The following BAZ2B variants were observed in gnomAD, a reference collection of about 807,000 sequenced individuals.
BAZ2B encodes the protein bromodomain adjacent to zinc finger domain protein 2B.
In BAZ2B, 91 loss-of-function variants were observed where a neutral mutation model predicts 246.0. The ratio of observed to expected loss-of-function variants is 0.37; its 90% CI spans 0.31 to 0.44. The LOEUF (loss-of-function observed/expected upper bound fraction) is 0.44, where lower values mean the gene tolerates loss of function less well. BAZ2B is among the 20% of genes least tolerant of loss of function. The probability of loss-of-function intolerance (pLI) is 1.00; values close to 1 mark genes in which losing one functional copy is unlikely to be tolerated. For missense variants in BAZ2B, 2,332 were observed against 2,533.7 expected, an observed-to-expected ratio of 0.92 and a Z score of 1.71; for synonymous variants, 855 against 860.0, an observed-to-expected ratio of 0.99 and a Z score of 0.10.
At chr2:159,623,494 G>A in the BAZ2B span, among the ~76,000 whole-genome samples, 3 of 152,278 alleles carry the variant, frequency 2.0e-5, no homozygotes, top group African/African-American at 7.2e-5. Context: ...AAATGCACAT[G>A]AAGAATTGCG....
chr2:159,547,580 G>A (rs1203424262), intron 2 of BAZ2B, among the ~76,000 whole-genome samples: 1 of 152,086 alleles, frequency 6.6e-6, no homozygotes, highest in Non-Finnish European at 1.5e-5. Flanking sequence ...GTGTGCATTG[G>A]TGTTCTACAA....
chr2:159,339,378 C>T (rs2052432), intron 31 of BAZ2B, among the ~76,000 whole-genome samples: 138,134 of 152,200 alleles, frequency 0.91, 64,231 homozygotes, highest in East Asian at 1. Flanking sequence ...TCCATATCCA[C>T]GATGCTTCTC....
upstream of BAZ2B, chr2:159,617,163 A>G (rs1177977923): frequency 6.6e-6 from 1 of 152,212 alleles, no homozygotes; most frequent in Non-Finnish European, 1.5e-5. Context: ...GAGAGATTAG[A>G]AAAAAAGCAT....
chr2:159,390,081 T>C (rs1218357601), intron 20 of BAZ2B, among the ~76,000 whole-genome samples: 1 of 152,150 alleles, frequency 6.6e-6, no homozygotes, highest in African/African-American at 2.4e-5. Context: ...TTTTCTATAA[T>C]ACCATTATCG....
At chr2:159,460,292 CT>C (rs2076246745) in intron 3 of BAZ2B, 3 of 151,984 alleles carry the variant, frequency 2.0e-5, no homozygotes, top group Admixed American at 1.3e-4. Flanking sequence ...GAACTAATGC[CT>C]TGACTCTAAA....
At chr2:159,376,993 G>A (rs900370475) in intron 25 of BAZ2B, among the ~76,000 whole-genome samples, 1 of 152,130 alleles carries the variant, frequency 6.6e-6, no homozygotes, top group African/African-American at 2.4e-5. Context: ...ATTGTCCACA[G>A]AACCTCTCAC....
the BAZ2B span, among the ~76,000 whole-genome samples, chr2:159,681,938 T>TA: frequency 2.6e-5 from 3 of 116,750 alleles, no homozygotes; most frequent in Non-Finnish European, 6.0e-5. Flanking sequence ...AAAAATAAAT[T>TA]TAAAAAAAGA....
At chr2:159,459,142 T>C (rs1456984668) in intron 3 of BAZ2B, 1 of 152,224 alleles carries the variant, frequency 6.6e-6, no homozygotes, top group Non-Finnish European at 1.5e-5. Context: ...ATTTGGGGCC[T>C]CTTTTCATTG....
At chr2:159,501,122 T>A (rs1260937136) in intron 2 of BAZ2B, among the ~76,000 whole-genome samples, 6 of 47,506 alleles carry the variant, frequency 1.3e-4, no homozygotes, top group East Asian at 9.4e-4. Flanking sequence ...AATATATATA[T>A]AATATATATA....
the BAZ2B span, among the ~76,000 whole-genome samples, chr2:159,621,833 T>C: frequency 6.6e-6 from 1 of 151,812 alleles, no homozygotes; most frequent in Non-Finnish European, 1.5e-5. Flanking sequence ...GTGCCGGGTA[T>C]GGTAGCTCAC....
intron 3 of BAZ2B, among the ~76,000 whole-genome samples, chr2:159,477,162 A>C (rs911206035): frequency 6.6e-6 from 1 of 151,950 alleles, no homozygotes; most frequent in African/African-American, 2.4e-5. Flanking sequence ...AAAATTGGCT[A>C]GGTGTGGTGG....
the BAZ2B span, among the ~76,000 whole-genome samples, chr2:159,660,336 A>C: frequency 6.6e-6 from 1 of 152,230 alleles, no homozygotes; most frequent in Non-Finnish European, 1.5e-5. Flanking sequence ...CTGTATAGAT[A>C]CATAACATTT....
At chr2:159,333,238 G>A (rs1043675316) in intron 33 of BAZ2B, among the ~76,000 whole-genome samples, 5 of 152,056 alleles carry the variant, frequency 3.3e-5, no homozygotes, top group African/African-American at 1.2e-4. Flanking sequence ...GTTCAAACCA[G>A]GAAACGTTGA....
chr2:159,528,148 T>C (rs985418953), intron 2 of BAZ2B, among the ~76,000 whole-genome samples: 2 of 152,270 alleles, frequency 1.3e-5, no homozygotes, highest in East Asian at 3.9e-4. Context: ...GGAGTTTAAG[T>C]AGGTAAATAA....
the BAZ2B span, among the ~76,000 whole-genome samples, chr2:159,626,879 C>T: frequency 2.0e-5 from 3 of 152,014 alleles, no homozygotes; most frequent in South Asian, 6.2e-4. Context: ...GAATCCAGGA[C>T]CTGGTTTTTT....
intron 3 of BAZ2B, among the ~76,000 whole-genome samples, chr2:159,475,342 C>T (rs1040966111): frequency 3.3e-5 from 5 of 152,084 alleles, no homozygotes; most frequent in Admixed American, 2.0e-4. Context: ...TTCATTGATT[C>T]GGCTGTTGAT....
At chr2:159,468,653 G>A (rs139689853) in intron 3 of BAZ2B, among the ~76,000 whole-genome samples, 18 of 152,206 alleles carry the variant, frequency 1.2e-4, no homozygotes, top group Admixed American at 4.6e-4. Flanking sequence ...CTTATGTGCC[G>A]CAGCTACAGC....
intron 2 of BAZ2B, among the ~76,000 whole-genome samples, chr2:159,531,271 A>G (rs1422617561): frequency 6.6e-6 from 1 of 152,180 alleles, no homozygotes; most frequent in Admixed American, 6.5e-5. Context: ...GGACTGGTCC[A>G]GGGTTTTTAG....
At chr2:159,676,691 T>C in the BAZ2B span, among the ~76,000 whole-genome samples, 5 of 88,020 alleles carry the variant, frequency 5.7e-5, no homozygotes, top group Non-Finnish European at 1.3e-4. Context: ...AGAGTTGTTT[T>C]AAAGTTGAGT....
Sources: allele counts gnomAD v4.1 joint callset (sites outside exome capture counted in the v4.1 genomes callset), GRCh38; gene constraint gnomAD v4.1.1; transcripts MANE v1.5; gene names NCBI Gene and HGNC (gene_info 2026-07-23, HGNC 2026-07-21).